The following CAMTA1 variants were observed in gnomAD, a reference collection of about 807,000 sequenced individuals.
CAMTA1 encodes the protein calmodulin binding transcription activator 1.
In CAMTA1, 27 loss-of-function variants were observed where a neutral mutation model predicts 170.9. The ratio of observed to expected loss-of-function variants is 0.16; its 90% confidence interval spans 0.12 to 0.22. The LOEUF is 0.22. Among genes scored for constraint, CAMTA1 ranks in the 10% least tolerant of loss-of-function variants. CAMTA1 has a pLI of 1.00. For synonymous variants in CAMTA1, 833 were observed against 891.5 expected, an observed-to-expected ratio of 0.93 and a Z score of 1.17; for missense variants, 1,619 against 2,217.2, an observed-to-expected ratio of 0.73 and a Z score of 5.42.
intron 3 of CAMTA1, among the ~76,000 whole-genome samples, chr1:6,940,667 G>A (rs1323083917): frequency 6.6e-6 from 1 of 152,152 alleles, no homozygotes; most frequent in Non-Finnish European, 1.5e-5. Context: ...TGGGGGCCAA[G>A]GGTCCAGAGG....
chr1:6,976,504 A>C (rs1467721006), intron 3 of CAMTA1, among the ~76,000 whole-genome samples: 1 of 152,224 alleles, frequency 6.6e-6, no homozygotes, highest in Non-Finnish European at 1.5e-5. Context: ...GATCCCACAG[A>C]ATCCATCTTT....
chr1:7,310,667 C>CCTT (rs1676453751), intron 5 of CAMTA1, among the ~76,000 whole-genome samples: 2 of 28,906 alleles, frequency 6.9e-5, no homozygotes, highest in African/African-American at 3.8e-4. Context: ...TTCTTTCTTT[C>CCTT]TTTCCTTTCT....
chr1:7,724,108 T>C (rs2096666982), intron 11 of CAMTA1, among the ~76,000 whole-genome samples: 1 of 152,198 alleles, frequency 6.6e-6, no homozygotes, highest in Admixed American at 6.5e-5. Context: ...CGCGAGCCAC[T>C]GCGCCCGGCC....
intron 6 of CAMTA1, among the ~76,000 whole-genome samples, chr1:7,551,364 ATG>A (rs1048317512): frequency 2.0e-5 from 3 of 150,202 alleles, no homozygotes; most frequent in African/African-American, 7.4e-5. Flanking sequence ...GTGTATGTGC[ATG>A]TGTGTGCACA....
At chr1:7,035,841 A>G (rs766978305) in intron 3 of CAMTA1, among the ~76,000 whole-genome samples, 31 of 152,240 alleles carry the variant, frequency 2.0e-4, no homozygotes, top group Non-Finnish European at 4.1e-4. Flanking sequence ...GTTCATCAGT[A>G]GTAGAAGGGG....
intron 5 of CAMTA1, among the ~76,000 whole-genome samples, chr1:7,383,651 T>C (rs1367016002): frequency 6.6e-6 from 1 of 152,024 alleles, no homozygotes; most frequent in African/African-American, 2.4e-5. Flanking sequence ...GGTGAGGTGA[T>C]GGTGGTGATC....
intron 11 of CAMTA1, among the ~76,000 whole-genome samples, chr1:7,691,643 G>T (rs2096313088): frequency 2.6e-5 from 4 of 152,174 alleles, no homozygotes; most frequent in African/African-American, 9.7e-5. Flanking sequence ...AGGAGGACCA[G>T]TCAGGAGTTG....
At chr1:7,495,775 C>CT (rs1293626286) in intron 6 of CAMTA1, among the ~76,000 whole-genome samples, 1 of 152,238 alleles carries the variant, frequency 6.6e-6, no homozygotes, top group Non-Finnish European at 1.5e-5. Flanking sequence ...CTCATAAGGA[C>CT]TTTGTTAACC....
In CAMTA1 at chr1:7,664,713, G is replaced by A. The variant is rs766036031; in HGVS notation, c.2166G>A (p.Glu722=). Residue 722 remains glutamate, a synonymous_variant, in exon 9 of 23, where the codon GAG becomes GAA. Coordinates refer to ENST00000303635, the MANE Select transcript of CAMTA1 (RefSeq NM_015215.4). ...ACSSEHYLQP[E]TNGVIRSAGG... ...GCTCTGAGCACTACCTGCAGCCGGA[G>A]ACCAACGGGGTAATCCGAAGCGCCG... 28 of 1,608,472 alleles carry A rather than the reference G, an allele frequency of 1.7e-5. No homozygotes were observed. Among genetic ancestry groups the A allele is most frequent in the Middle Eastern group, 3.3e-4 (2 of 6,054 alleles).
In CAMTA1 at chr1:7,063,026, C is replaced by T. The variant is rs1708479485; in HGVS notation, c.235-28278C>T. 6.6e-6 allele frequency among the ~76,000 whole-genome samples: 1 copy of T among 152,160 alleles called. No individual in the cohort carries two copies. Among genetic ancestry groups the T allele is most frequent in the Non-Finnish European group, 1.5e-5 (1 of 68,040 alleles). On this transcript the variant is annotated intron_variant, in intron 3 of 22. Coordinates refer to ENST00000303635, the MANE Select transcript of CAMTA1 (RefSeq NM_015215.4). The surrounding 1 kb of genome is among the most constrained non-coding windows in gnomAD (Gnocchi z 4.3). ...TCCTATTTCCAAATAAGGGCACATG[C>T]GTGGGTACAGGGGTTAGGACTTCAA...
At chr1:6,902,427 A>T (rs997508502) in intron 3 of CAMTA1, among the ~76,000 whole-genome samples, 7 of 152,218 alleles carry the variant, frequency 4.6e-5, no homozygotes, top group Non-Finnish European at 1.0e-4. Flanking sequence ...CGAATGCATT[A>T]TGATTAGTGA....
In CAMTA1 at chr1:7,736,575, T is replaced by G. The variant is rs780998241; in HGVS notation, c.3263+35T>G. The stretch of plus-strand genomic sequence containing the variant: ...TGGTGCAGCTGGCTGGGGGTCAGCC[T>G]CGCACATCCTCGCTCACATTCTTCC... On this transcript the variant is annotated intron_variant, in intron 13 of 22. Transcript: ENST00000303635. The surrounding 1 kb of genome is among the most constrained non-coding windows in gnomAD (Gnocchi z 4.5). 6.3e-7 allele frequency: 1 copy of G among 1,585,038 alleles called. No individual in the cohort carries two copies. The highest frequency in any genetic ancestry group is 2.2e-5 in the East Asian group (1 of 44,686).
intron 4 of CAMTA1, among the ~76,000 whole-genome samples, chr1:7,111,825 C>A (rs1644059786): frequency 7.0e-6 from 1 of 141,978 alleles, no homozygotes; most frequent in Admixed American, 7.7e-5. Flanking sequence ...GTGCAGGTTG[C>A]AGTAAGCTGA....
chr1:6,925,266 T>G (rs1344601085), intron 3 of CAMTA1, among the ~76,000 whole-genome samples: 1 of 152,248 alleles, frequency 6.6e-6, no homozygotes, highest in African/African-American at 2.4e-5. Context: ...CCACATTTCT[T>G]GATGGGCCAA....
intron 19 of CAMTA1, chr1:7,749,912 TGC>T (rs2096883885): frequency 7.5e-6 from 3 of 399,576 alleles, no homozygotes; most frequent in Admixed American, 3.0e-5. Context: ...ATATCCCCCT[TGC>T]CAGGCCACCT....
At chr1:7,623,022 T>C (rs1002058344) in intron 6 of CAMTA1, among the ~76,000 whole-genome samples, 10 of 152,242 alleles carry the variant, frequency 6.6e-5, no homozygotes, top group Non-Finnish European at 1.5e-4. Flanking sequence ...CTTTTTATCA[T>C]CTCAGATACA....
chr1:7,672,122 C>T (rs776546164), intron 10 of CAMTA1: 57 of 452,784 alleles, frequency 1.3e-4, no homozygotes, highest in Non-Finnish European at 2.1e-4. Context: ...TGCAGGGGTG[C>T]GGAACGGCAG....
chr1:7,261,092 A>G (rs114254814), intron 5 of CAMTA1, among the ~76,000 whole-genome samples: 2,179 of 152,282 alleles, frequency 0.014, 44 homozygotes, highest in African/African-American at 0.046. Context: ...GGGCCTCTTG[A>G]GAATCCTTCC....
intron 8 of CAMTA1, 74 bp downstream of exon 8, chr1:7,661,940 C>T: frequency 6.7e-7 from 1 of 1,497,304 alleles, no homozygotes; most frequent in Non-Finnish European, 9.0e-7. Flanking sequence ...TCATGGCTGT[C>T]CTCTGTGGGA....
Sources: gnomAD v4.1 joint callset for allele counts (sites outside exome capture counted in the v4.1 genomes callset) on GRCh38, gnomAD v4.1.1 for gene constraint, Gnocchi (gnomAD v3.1) non-coding constraint, MANE v1.5 for transcripts, NCBI Gene and HGNC (gene_info 2026-07-23, HGNC 2026-07-21) for gene names.